The following NELL1 variants were observed in gnomAD, a reference collection of about 807,000 sequenced individuals.
The protein encoded by NELL1 is protein kinase C-binding protein NELL1.
In NELL1, 76 loss-of-function variants were observed where a neutral mutation model predicts 107.4. That is an observed-to-expected ratio of 0.71 (90% CI 0.59 to 0.86). NELL1 has a LOEUF of 0.86. Ranked by LOEUF, NELL1 falls within the 40% of genes least tolerant of loss-of-function variation. The pLI is 0.00. For synonymous variants in NELL1, 353 were observed against 341.2 expected (o/e 1.03, Z -0.38); for missense variants, 1,024 against 1,005.5 (o/e 1.02, Z -0.25).
At chr11:21,367,296 ACACAC>A in intron 14 of NELL1, among the ~76,000 whole-genome samples, 2 of 126,572 alleles carry the variant, frequency 1.6e-5, no homozygotes, top group Non-Finnish European at 3.6e-5. Context: ...ACACACACAC[ACACAC>A]AATCTATTTT....
rs565980110 is a variant in NELL1, at chr11:21,504,689, AG to A, written c.1646-29682del. Among the ~76,000 whole-genome samples, 761 of 152,260 alleles carry A rather than the reference AG, an allele frequency of 5.0e-3. 6 individuals are homozygous for A. The highest frequency in any genetic ancestry group is 0.018 in the African/African-American group (733 of 41,542). On this transcript the variant is annotated intron_variant, in intron 15 of 19. Transcript: ENST00000357134. Reference sequence around the variant, plus strand: ...TTTTCCTGCTTTTCCTGTGGCTTCCAGGGAGAATGTATACTACTCTATATTT... The same window carrying A: ...TTTTCCTGCTTTTCCTGTGGCTTCCAGGAGAATGTATACTACTCTATATTT...
intron 14 of NELL1, among the ~76,000 whole-genome samples, chr11:21,277,565 T>C (rs1292382506): frequency 6.6e-6 from 1 of 152,096 alleles, no homozygotes; most frequent in African/African-American, 2.4e-5. Flanking sequence ...ACCCAAAGGA[T>C]TATAAATCTT....
At chr11:21,384,535 C>T (rs1022151102) in intron 15 of NELL1, among the ~76,000 whole-genome samples, 12 of 151,678 alleles carry the variant, frequency 7.9e-5, no homozygotes, top group South Asian at 4.2e-4. Context: ...CATGCTGGTG[C>T]GCTGCACCCA....
intron 13 of NELL1, among the ~76,000 whole-genome samples, chr11:21,157,833 A>T (rs188630108): frequency 6.6e-6 from 1 of 152,350 alleles, no homozygotes. Flanking sequence ...ACCATACAGC[A>T]TAGTTGTAAA....
At chr11:20,803,973 G>C (rs984955674) in intron 3 of NELL1, among the ~76,000 whole-genome samples, 5 of 152,090 alleles carry the variant, frequency 3.3e-5, no homozygotes, top group Non-Finnish European at 7.4e-5. Flanking sequence ...AGTTTCTTCA[G>C]CTTTGGAACT....
At chr11:21,405,821 C>G (rs1852221341) in intron 15 of NELL1, among the ~76,000 whole-genome samples, 1 of 151,976 alleles carries the variant, frequency 6.6e-6, no homozygotes, top group African/African-American at 2.4e-5. Flanking sequence ...TTCCCCCAAC[C>G]TTTCCTTTCT....
intron 3 of NELL1, among the ~76,000 whole-genome samples, chr11:20,788,970 T>C (rs962977148): frequency 6.6e-6 from 1 of 152,226 alleles, no homozygotes; most frequent in African/African-American, 2.4e-5. Context: ...ATCCAATTGT[T>C]TCTTCACCAC....
rs906609694 is a variant in NELL1 at position 20,928,933 on chromosome 11, G to A, written c.997+454G>A. Among the ~76,000 whole-genome samples the A allele has an allele frequency of 4.6e-5, 7 of 152,242 alleles. No individual in the cohort carries two copies. The East Asian group carries it at 5.8e-4, about 13-fold the overall frequency. On this transcript the variant is annotated intron_variant, in intron 9 of 19. Transcript: ENST00000357134. ...TAAGAGGCCTTTGTTAGGAACTTCCGGATGAAATTCAGTTAAAATACTGAA... is the reference window on the plus strand; with the variant it reads ...TAAGAGGCCTTTGTTAGGAACTTCCAGATGAAATTCAGTTAAAATACTGAA...
chr11:21,434,901 G>A (rs1193914690), intron 15 of NELL1, among the ~76,000 whole-genome samples: 2 of 151,534 alleles, frequency 1.3e-5, no homozygotes, highest in African/African-American at 2.4e-5. Context: ...TACTTCCTTG[G>A]TTACATTTAT....
chr11:20,735,534 T>C lies in NELL1; in HGVS notation c.185-48146T>C, dbSNP rs917301821. Among the ~76,000 whole-genome samples, 4 of 152,158 alleles carry C rather than the reference T, an allele frequency of 2.6e-5. No individual in the cohort carries two copies. In the South Asian group the frequency reaches 8.3e-4, roughly 31 times the overall value. On this transcript the variant is annotated intron_variant, in intron 2 of 19. Transcript: ENST00000357134. The stretch of plus-strand genomic sequence containing the variant: ...GGGGTAACTGCCCGCATGATTAAAT[T>C]ACCTCCAACCAGGTCCCTCCTACAA...
intron 14 of NELL1, among the ~76,000 whole-genome samples, chr11:21,362,467 G>A (rs921333841): frequency 2.0e-5 from 3 of 152,208 alleles, no homozygotes; most frequent in Admixed American, 2.0e-4. Context: ...TTTCTTGAAT[G>A]CTGGTTATAC....
chr11:20,971,131 C>T (rs1029571267), intron 12 of NELL1, among the ~76,000 whole-genome samples: 14 of 152,200 alleles, frequency 9.2e-5, no homozygotes, highest in African/African-American at 3.4e-4. Context: ...ATCTATCTTG[C>T]TCTGCTTGTG....
intron 2 of NELL1, among the ~76,000 whole-genome samples, chr11:20,734,122 C>G (rs986957146): frequency 6.6e-6 from 1 of 152,082 alleles, no homozygotes; most frequent in East Asian, 1.9e-4. Flanking sequence ...GTAGATGAAA[C>G]AGCAAGTATG....
At position 20,840,441 on chromosome 11, in the gene NELL1, G is replaced by A. The variant is rs566074104; in HGVS notation, c.336-7142G>A. The stretch of plus-strand genomic sequence containing the variant: ...GGCTTATCTCTATTCTACCACTTTT[G>A]TGGCTTCAGTGAGAAGAGTGGACAG... On this transcript the variant is annotated intron_variant, in intron 3 of 19. Coordinates refer to ENST00000357134, the MANE Select transcript of NELL1 (RefSeq NM_006157.5). Among the ~76,000 whole-genome samples the A allele has an allele frequency of 2.6e-5, 4 of 152,312 alleles. No individual in the cohort carries two copies. The South Asian group carries it at 8.3e-4, about 32-fold the overall frequency.
At chr11:21,043,866 T>A (rs1198670845) in intron 12 of NELL1, among the ~76,000 whole-genome samples, 10 of 152,124 alleles carry the variant, frequency 6.6e-5, no homozygotes, top group Non-Finnish European at 1.3e-4. Context: ...CCGCAGATAA[T>A]GGAGTCACTT....
intron 14 of NELL1, among the ~76,000 whole-genome samples, chr11:21,361,356 A>C (rs556517931): frequency 2.8e-5 from 4 of 143,628 alleles, no homozygotes; most frequent in South Asian, 2.2e-4. Flanking sequence ...GACGTCTGCT[A>C]TTAATCTGAT....
chr11:21,488,380 T>C (rs1263000846), intron 15 of NELL1, among the ~76,000 whole-genome samples: 2 of 152,146 alleles, frequency 1.3e-5, no homozygotes, highest in Non-Finnish European at 2.9e-5. Context: ...TGTAGATATG[T>C]TGTTGGTGGG....
At chr11:20,762,550 T>G (rs1297853229) in intron 2 of NELL1, among the ~76,000 whole-genome samples, 3 of 152,234 alleles carry the variant, frequency 2.0e-5, no homozygotes, top group African/African-American at 7.2e-5. Context: ...ATAATTCATT[T>G]GAAAAAGTTG....
At chr11:21,475,084 G>T (rs866645258) in intron 15 of NELL1, among the ~76,000 whole-genome samples, 16 of 152,010 alleles carry the variant, frequency 1.1e-4, no homozygotes, top group Middle Eastern at 3.4e-3. Flanking sequence ...CTTATATCCT[G>T]CATATGCGAA....
Sources: gnomAD v4.1 joint callset for allele counts (sites outside exome capture counted in the v4.1 genomes callset) on GRCh38, gnomAD v4.1.1 for gene constraint, MANE v1.5 for transcripts, NCBI Gene and HGNC (gene_info 2026-07-23, HGNC 2026-07-21) for gene names.